Variants in IL2RA observed in about 807,000 individuals in gnomAD.
The protein encoded by IL2RA is interleukin-2 receptor subunit alpha.
IL2RA carries 24 observed loss-of-function variants against 37.8 expected under a neutral mutation model. That is an observed-to-expected ratio of 0.63 (90% CI 0.46 to 0.89). IL2RA has a LOEUF of 0.89. Ranked by LOEUF, IL2RA falls within the 40% of genes least tolerant of loss-of-function variation. IL2RA has a pLI of 0.00. For synonymous variants in IL2RA, 125 were observed against 114.6 expected, an observed-to-expected ratio of 1.09 and a Z score of -0.58; for missense variants, 319 against 348.6, an observed-to-expected ratio of 0.92 and a Z score of 0.68.
At chr10:6,062,036 A>G in intron 1 of IL2RA, 52 bp downstream of exon 1, 1 of 1,406,956 alleles carries the variant, frequency 7.1e-7, no homozygotes, top group Non-Finnish European at 1.0e-6. Flanking sequence ...GGCTGGGAAG[A>G]GGGATGCCCA....
intron 1 of IL2RA, among the ~76,000 whole-genome samples, chr10:6,053,480 C>T (rs1444662452): frequency 6.6e-6 from 1 of 152,198 alleles, no homozygotes; most frequent in African/African-American, 2.4e-5. Context: ...CGAAAGGAAA[C>T]ATAACTATCA....
At position 6,021,999 on chromosome 10, in the gene IL2RA, C is replaced by T. The variant is rs762839807; in HGVS notation, c.368-306G>A. On this transcript the variant is annotated intron_variant, in intron 3 of 7. Transcript: ENST00000379959. This position sits in a 1 kb window ranked among gnomAD's most constrained non-coding sequence, Gnocchi z 4.9. ...AATGAGCGATTCATTCTGGTTGGTG[C>T]GGCCCCGAGACAGGAACGCCACAAC... 2.4e-4 allele frequency among the ~76,000 whole-genome samples: 37 copies of T among 152,014 alleles called. No individual in the cohort carries two copies. The highest frequency in any genetic ancestry group is 4.0e-4 in the Non-Finnish European group (27 of 68,004).
At chr10:6,049,638 G>T (rs1486716727) in intron 1 of IL2RA, among the ~76,000 whole-genome samples, 1 of 152,138 alleles carries the variant, frequency 6.6e-6, no homozygotes, top group Non-Finnish European at 1.5e-5. Flanking sequence ...GTGCTTTGTG[G>T]CATTTCTCTG....
intron 1 of IL2RA, among the ~76,000 whole-genome samples, chr10:6,032,948 G>A (rs998867252): frequency 6.6e-6 from 1 of 152,310 alleles, no homozygotes; most frequent in East Asian, 1.9e-4. Flanking sequence ...AAACAATGAT[G>A]AGATAGCCCA....
intron 1 of IL2RA, among the ~76,000 whole-genome samples, chr10:6,053,211 G>T (rs189491155): frequency 5.9e-5 from 9 of 152,212 alleles, no homozygotes; most frequent in African/African-American, 2.2e-4. Flanking sequence ...GAATGAGAGC[G>T]CCTGCTTCCT....
chr10:6,042,646 G>A (rs556303961), intron 1 of IL2RA, among the ~76,000 whole-genome samples: 20 of 152,068 alleles, frequency 1.3e-4, no homozygotes, highest in African/African-American at 2.2e-4. Context: ...CTCAGTATCC[G>A]TAATACATAA....
rs778076848 is a variant in IL2RA, at chr10:6,019,554, C to T, written c.656-55G>A. 97 of 1,347,998 alleles carry T rather than the reference C, an allele frequency of 7.2e-5. No homozygotes were observed. The Middle Eastern group carries it at 2.5e-3, about 35-fold the overall frequency. 83.5% of individuals were successfully genotyped at this position (1,347,998 alleles called of 1,614,324 possible). A position where few individuals can be genotyped will look rare whatever the true frequency, so the allele number is the denominator to read the frequency against. ...CTGCTACCGTGACTTTAGGACAGCA[C>T]GAGGCTAAAGGAAGTCAGGGTGTCT... On this transcript the variant is annotated intron_variant, in intron 5 of 7. Transcript: ENST00000379959.
In IL2RA at chr10:6,062,122, C is replaced by T; in HGVS notation, c.30G>A (p.Leu10=). ...AGCCAGGCACCATGATGAACGTGAG[C>T]AGTCCCCACATCAGCAGGTATGAAT... MDSYLLMWG[L]LTFIMVPGCQ... is the part of the protein sequence containing the mutation. Residue 10 remains leucine, a synonymous_variant, in exon 1 of 8, where the codon CTG becomes CTA. Transcript: ENST00000379959. 1 of 1,614,022 alleles carries T rather than the reference C, an allele frequency of 6.2e-7. No homozygotes were observed. Among genetic ancestry groups the T allele is most frequent in the Non-Finnish European group, 8.5e-7 (1 of 1,179,890 alleles).
At chr10:6,031,604 C>T (rs867840526) in intron 1 of IL2RA, among the ~76,000 whole-genome samples, 10 of 148,972 alleles carry the variant, frequency 6.7e-5, no homozygotes, top group African/African-American at 2.5e-4. Context: ...ATTGTATTTA[C>T]AATTACATCA....
chr10:6,048,520 T>C lies in IL2RA; in HGVS notation c.64+13568A>G, dbSNP rs1428506364. Among the ~76,000 whole-genome samples, 3 of 152,222 alleles carry C rather than the reference T, an allele frequency of 2.0e-5. No homozygotes were observed. In the East Asian group the frequency reaches 5.8e-4, roughly 29 times the overall value. Reference sequence around the variant, plus strand: ...AGTCACATTTAGTGAGCACCTACTGTGTGCTCTGGTCACTCTAGGCAGGCT... The same window carrying C: ...AGTCACATTTAGTGAGCACCTACTGCGTGCTCTGGTCACTCTAGGCAGGCT... On this transcript the variant is annotated intron_variant, in intron 1 of 7. Transcript: ENST00000379959. This position sits in a 1 kb window ranked among gnomAD's most constrained non-coding sequence, Gnocchi z 5.3.
rs769206097 is a variant in IL2RA, at chr10:6,018,114, C to T, written c.733G>A (p.Gly245Ser). The T allele has an allele frequency of 1.1e-5, 17 of 1,613,800 alleles. No individual in the cohort carries two copies. The highest frequency in any genetic ancestry group is 6.6e-5 in the South Asian group (6 of 91,038). Residue 245 changes from glycine (G) to serine (S), a missense_variant, in exon 7 of 8, where the codon GGC (glycine) becomes AGC (serine). By Grantham distance (56) the Gly-to-Ser change is moderately conservative. Transcript: ENST00000379959. The surrounding 1 kb of genome is among the most constrained non-coding windows in gnomAD (Gnocchi z 5.1). ...FTTEYQVAVA[G>S]CVFLLISVLL... is the part of the protein sequence containing the mutation. The stretch of plus-strand genomic sequence containing the variant: ...ACGCTGATCAGCAGGAAAACACAGC[C>T]GGCCACTGTCAATAGAGAGAGGGAG...
At position 6,062,243 on chromosome 10, in the gene IL2RA, C is replaced by A; in HGVS notation, c.-92G>T. On this transcript the variant is annotated 5_prime_UTR_variant, in exon 1 of 8. Coordinates refer to ENST00000379959, the MANE Select transcript of IL2RA (RefSeq NM_000417.3). ...CCGTCAGCCTCTTTTTGGCATCGCG[C>A]CGGAGGATGTGGGATGGGAAGATCG... The A allele has an allele frequency of 9.1e-7, 1 of 1,100,468 alleles. No homozygotes were observed. Among genetic ancestry groups the A allele is most frequent in the Non-Finnish European group, 1.4e-6 (1 of 719,620 alleles). The allele number at this position is 1,100,468 out of a possible 1,614,324, so 68.2% of individuals were successfully genotyped here.
intron 1 of IL2RA, among the ~76,000 whole-genome samples, chr10:6,053,533 T>TCCTA (rs1209015098): frequency 2.0e-5 from 3 of 152,246 alleles, no homozygotes; most frequent in African/African-American, 7.2e-5. Flanking sequence ...CAGTCATGTT[T>TCCTA]CCTAGTCTAT....
In IL2RA at chr10:6,061,102, AT is replaced by A. The variant is rs60551180; in HGVS notation, c.64+985del. 1.0e-3 allele frequency among the ~76,000 whole-genome samples: 152 copies of A among 152,286 alleles called. 1 individual carries two copies. The highest frequency in any genetic ancestry group is 3.6e-3 in the African/African-American group (148 of 41,554). ...TGGTTTTTTATTTCTTTAAAAAAAA[AT>A]ATTGGCCAGGCACGGTGGTTCATGC... is the stretch of plus-strand genomic sequence containing the variant. On this transcript the variant is annotated intron_variant, in intron 1 of 7. Coordinates refer to ENST00000379959, the MANE Select transcript of IL2RA (RefSeq NM_000417.3).
rs1246300851 is a variant in IL2RA at position 6,056,061 on chromosome 10, A to G, written c.64+6027T>C. Among the ~76,000 whole-genome samples the G allele has an allele frequency of 6.6e-6, 1 of 152,236 alleles. No individual in the cohort carries two copies. The highest frequency in any genetic ancestry group is 6.5e-5 in the Admixed American group (1 of 15,284). On this transcript the variant is annotated intron_variant, in intron 1 of 7. Transcript: ENST00000379959. This position sits in a 1 kb window ranked among gnomAD's most constrained non-coding sequence, Gnocchi z 5.0. ...TTGAGATCAGTCAAAACACTGAGTAATCTTAGAGTGGAGAATACCTAAAAT... is the reference window on the plus strand; with the variant it reads ...TTGAGATCAGTCAAAACACTGAGTAGTCTTAGAGTGGAGAATACCTAAAAT...
intron 1 of IL2RA, among the ~76,000 whole-genome samples, chr10:6,059,210 C>A (rs12722621): frequency 0.034 from 5,248 of 152,298 alleles, 334 homozygotes; most frequent in African/African-American, 0.12. Flanking sequence ...TTAAGAGCCT[C>A]ATGACCTGTC....
At position 6,022,124 on chromosome 10, in the gene IL2RA, G is replaced by A. The variant is rs2132854700; in HGVS notation, c.368-431C>T. Among the ~76,000 whole-genome samples, 1 of 152,198 alleles carries A rather than the reference G, an allele frequency of 6.6e-6. No individual in the cohort carries two copies. The highest frequency in any genetic ancestry group is 2.1e-4 in the South Asian group (1 of 4,816). On this transcript the variant is annotated intron_variant, in intron 3 of 7. Coordinates refer to ENST00000379959, the MANE Select transcript of IL2RA (RefSeq NM_000417.3). This position sits in a 1 kb window ranked among gnomAD's most constrained non-coding sequence, Gnocchi z 4.7. The stretch of plus-strand genomic sequence containing the variant: ...TAGGCTCAAGCCTATTTGGGCCAAT[G>A]GAGCATGAAGACCACCTTGGATTTC...
chr10:6,060,762 G>A (rs3134882), intron 1 of IL2RA, among the ~76,000 whole-genome samples: 55,134 of 141,850 alleles, frequency 0.39, 10,348 homozygotes, highest in African/African-American at 0.41. Context: ...GTCTCAAAAA[G>A]TAAAAAAAAA....
chr10:6,024,951 G>A (rs1839456026), intron 2 of IL2RA, among the ~76,000 whole-genome samples: 1 of 152,220 alleles, frequency 6.6e-6, no homozygotes, highest in Non-Finnish European at 1.5e-5. Flanking sequence ...AGGGTGTCTA[G>A]GTCAGGTGTG....
Sources: allele counts gnomAD v4.1 joint callset (sites outside exome capture counted in the v4.1 genomes callset), GRCh38; gene constraint gnomAD v4.1.1; non-coding constraint Gnocchi (gnomAD v3.1); transcripts MANE v1.5; gene names NCBI Gene and HGNC (gene_info 2026-07-23, HGNC 2026-07-21).